The following FAT3 variants were observed in gnomAD, a reference collection of about 807,000 sequenced individuals.
FAT3 encodes FAT atypical cadherin 3.
Under a neutral mutation model 310.2 loss-of-function variants are expected in FAT3, and 95 were observed. The observed-to-expected ratio is 0.31, with a 90% CI of 0.26 to 0.36. FAT3 has a LOEUF of 0.36. Among genes scored for constraint, FAT3 ranks in the 10% least tolerant of loss-of-function variants. The probability of loss-of-function intolerance (pLI) is 1.00; values close to 1 mark genes in which losing one functional copy is unlikely to be tolerated. For missense variants in FAT3, 5,408 were observed against 5,715.6 expected, an observed-to-expected ratio of 0.95 and a Z score of 1.74; for synonymous variants, 2,314 against 2,192.9, an observed-to-expected ratio of 1.06 and a Z score of -1.54.
At chr11:92,451,561 T>G (rs965040440) in intron 2 of FAT3, among the ~76,000 whole-genome samples, 1 of 152,198 alleles carries the variant, frequency 6.6e-6, no homozygotes, top group Non-Finnish European at 1.5e-5. Flanking sequence ...ACAAACCTTC[T>G]TGAATGAAGG....
rs1949985848 is a variant in FAT3 at position 92,894,582 on chromosome 11, G to C, written c.*3469G>C. ...TTAGGTTGAGAATAGCTAGACTCTT[G>C]GTGCTCGTCATATAGTAAGCAAGAA... is the stretch of plus-strand genomic sequence containing the variant. On this transcript the variant is annotated 3_prime_UTR_variant, in exon 28 of 28. Coordinates refer to ENST00000525166, the MANE Select transcript of FAT3 (RefSeq NM_001367949.2). 1 of 152,130 alleles carries C rather than the reference G, an allele frequency of 6.6e-6. No homozygotes were observed. The highest frequency in any genetic ancestry group is 1.5e-5 in the Non-Finnish European group (1 of 68,016). The allele number at this position is 152,130 out of a possible 1,614,324, so 9.4% of individuals were successfully genotyped here.
intron 1 of FAT3, among the ~76,000 whole-genome samples, chr11:92,346,561 T>C (rs1340737628): frequency 2.0e-5 from 3 of 152,214 alleles, no homozygotes; most frequent in Admixed American, 6.5e-5. Context: ...TTTACTCGTT[T>C]TTTGTTTTGT....
At chr11:92,754,798 G>A (rs932915852) in intron 4 of FAT3, among the ~76,000 whole-genome samples, 5 of 151,700 alleles carry the variant, frequency 3.3e-5, no homozygotes, top group South Asian at 2.1e-4. Context: ...AATCTGAGAG[G>A]GGGAGGTTGC....
intron 3 of FAT3, among the ~76,000 whole-genome samples, chr11:92,575,646 T>A (rs530336093): frequency 6.6e-6 from 1 of 152,258 alleles, no homozygotes; most frequent in Admixed American, 6.5e-5. Flanking sequence ...GTCGTTATAA[T>A]TTAGTGATAA....
At chr11:92,776,944 G>A (rs1235371174) in intron 7 of FAT3, among the ~76,000 whole-genome samples, 2 of 152,094 alleles carry the variant, frequency 1.3e-5, no homozygotes, top group Non-Finnish European at 2.9e-5. Flanking sequence ...CACTTACCAC[G>A]GCTTTCCCAG....
chr11:92,789,886 T>A, intron 7 of FAT3, 57 bp from the exon 8 acceptor site: 1 of 1,576,146 alleles, frequency 6.3e-7, no homozygotes, highest in Non-Finnish European at 8.7e-7. Flanking sequence ...GGGCATACTT[T>A]TATTAGCAGT....
intron 21 of FAT3, among the ~76,000 whole-genome samples, chr11:92,861,616 T>A (rs575929978): frequency 2.9e-4 from 44 of 152,344 alleles, no homozygotes; most frequent in African/African-American, 9.4e-4. Flanking sequence ...ATCTGTCTGT[T>A]CTGTAAGTTT....
At chr11:92,830,564 C>T (rs976113971) in intron 13 of FAT3, among the ~76,000 whole-genome samples, 7 of 152,082 alleles carry the variant, frequency 4.6e-5, no homozygotes, top group African/African-American at 1.7e-4. Context: ...ACCAATGACA[C>T]TCAAATTTAT....
At chr11:92,580,213 TA>T (rs1393142978) in intron 3 of FAT3, among the ~76,000 whole-genome samples, 1 of 152,086 alleles carries the variant, frequency 6.6e-6, no homozygotes, top group Non-Finnish European at 1.5e-5. Context: ...CTCTTCATTT[TA>T]ACCCCAGTTT....
chr11:92,442,438 C>G (rs756447419), intron 2 of FAT3, among the ~76,000 whole-genome samples: 3 of 150,938 alleles, frequency 2.0e-5, no homozygotes, highest in Non-Finnish European at 4.4e-5. Context: ...GCATGGTATT[C>G]AGATTTCTAA....
chr11:92,402,017 A>C (rs747597600), intron 2 of FAT3, among the ~76,000 whole-genome samples: 1 of 152,248 alleles, frequency 6.6e-6, no homozygotes, highest in Non-Finnish European at 1.5e-5. Context: ...CCATACTCAG[A>C]TATGACACAG....
intron 4 of FAT3, among the ~76,000 whole-genome samples, chr11:92,746,721 G>C (rs1054086991): frequency 2.0e-5 from 3 of 152,200 alleles, no homozygotes; most frequent in Non-Finnish European, 4.4e-5. Context: ...TACAATGGGG[G>C]TACAGGTATT....
In FAT3 at chr11:92,353,513, C is replaced by T; in HGVS notation, c.1401C>T (p.Asp467=). 1 of 1,613,484 alleles carries T rather than the reference C, an allele frequency of 6.2e-7. No homozygotes were observed. Among genetic ancestry groups the T allele is most frequent in the Non-Finnish European group, 8.5e-7 (1 of 1,179,728 alleles). The change falls in exon 2 of 28, where the codon GAC becomes GAT. Residue 467 remains aspartate (D), a synonymous_variant. Transcript: ENST00000525166. The stretch of plus-strand genomic sequence containing the variant: ...CCATCAGCATAGAAGATGCAAATGA[C>T]CACACCCCAGAATTTCAGCAACCAC... ...QVTISIEDAN[D]HTPEFQQPLY... is the part of the protein sequence containing the mutation.
intron 1 of FAT3, among the ~76,000 whole-genome samples, chr11:92,228,891 T>TC (rs550739706): frequency 3.9e-5 from 6 of 152,318 alleles, no homozygotes; most frequent in African/African-American, 1.4e-4. Context: ...TTCTTTTTTT[T>TC]CCTTCTGCAG....
intron 2 of FAT3, among the ~76,000 whole-genome samples, chr11:92,480,966 T>C (rs1952208065): frequency 6.6e-6 from 1 of 152,192 alleles, no homozygotes; most frequent in South Asian, 2.1e-4. Context: ...CCAGCCCCTT[T>C]TACTCATTCA....
At chr11:92,868,586 T>C (rs1256427693) in intron 22 of FAT3, among the ~76,000 whole-genome samples, 1 of 152,172 alleles carries the variant, frequency 6.6e-6, no homozygotes, top group Admixed American at 6.5e-5. Context: ...AGCATATAAT[T>C]AAATTGGGTT....
chr11:92,803,810 T>C (rs1947431018), intron 10 of FAT3, among the ~76,000 whole-genome samples: 1 of 152,242 alleles, frequency 6.6e-6, no homozygotes, highest in African/African-American at 2.4e-5. Flanking sequence ...TTGTCCCCAG[T>C]TGAGAACCAC....
At chr11:92,496,155 C>T (rs760414757) in intron 2 of FAT3, among the ~76,000 whole-genome samples, 20 of 151,984 alleles carry the variant, frequency 1.3e-4, no homozygotes, top group Non-Finnish European at 1.9e-4. Flanking sequence ...TCTTACCTAC[C>T]GAATGGACAA....
chr11:92,797,171 G>A (rs570192768), intron 9 of FAT3, among the ~76,000 whole-genome samples: 2 of 152,306 alleles, frequency 1.3e-5, no homozygotes, highest in South Asian at 4.1e-4. Context: ...GTGGAGAATA[G>A]AAGAGAAGTC....
Sources: gnomAD v4.1 joint callset for allele counts (sites outside exome capture counted in the v4.1 genomes callset) on GRCh38, gnomAD v4.1.1 for gene constraint, MANE v1.5 for transcripts, NCBI Gene and HGNC (gene_info 2026-07-23, HGNC 2026-07-21) for gene names.